The following PCDHA13 variants were observed in gnomAD, a reference collection of about 807,000 sequenced individuals.
PCDHA13 encodes protocadherin alpha-13.
A neutral mutation model predicts 64.8 loss-of-function variants in PCDHA13; 54 were observed. The observed-to-expected ratio is 0.83, with a 90% confidence interval of 0.67 to 1.04. The LOEUF is 1.04. Ranked by LOEUF, PCDHA13 falls within the 50% of genes least tolerant of loss-of-function variation. PCDHA13 has a pLI of 0.00. For missense variants in PCDHA13, 1,248 were observed against 1,254.3 expected (o/e 0.99, Z 0.08); for synonymous variants, 587 against 564.4 (o/e 1.04, Z -0.57).
At chr5:140,969,847 A>G (rs2096364168) in intron 1 of PCDHA13, among the ~76,000 whole-genome samples, 1 of 152,150 alleles carries the variant, frequency 6.6e-6, no homozygotes. Flanking sequence ...TATCTAGTTA[A>G]TATTTCTGGT....
chr5:140,902,572 G>A (rs1249141591), intron 1 of PCDHA13, among the ~76,000 whole-genome samples: 1 of 151,954 alleles, frequency 6.6e-6, no homozygotes, highest in Non-Finnish European at 1.5e-5. Flanking sequence ...GGGTTTTTAA[G>A]ATTTCAATAG....
intron 1 of PCDHA13, among the ~76,000 whole-genome samples, chr5:140,892,628 T>C (rs1554185308): frequency 6.6e-6 from 1 of 152,166 alleles, no homozygotes; most frequent in African/African-American, 2.4e-5. Flanking sequence ...TGGTACATAA[T>C]AATTGTACAT....
chr5:141,011,750 A>T lies in PCDHA13; in HGVS notation c.*1813A>T, dbSNP rs1554263628. The T allele has an allele frequency of 6.5e-6, 1 of 153,696 alleles. No individual in the cohort carries two copies. Among genetic ancestry groups the T allele is most frequent in the Non-Finnish European group, 1.5e-5 (1 of 68,036 alleles). 9.5% of individuals were successfully genotyped at this position (153,696 alleles called of 1,614,324 possible). A position where few individuals can be genotyped will look rare whatever the true frequency, so the allele number is the denominator to read the frequency against. On this transcript the variant is annotated 3_prime_UTR_variant, in exon 4 of 4. Transcript: ENST00000289272. ...TGCAAGCACAAATTTTACCAATCTG[A>T]CCTCTTTGAAGTTGCAGAATGCTTT... is the stretch of plus-strand genomic sequence containing the variant.
intron 1 of PCDHA13, among the ~76,000 whole-genome samples, chr5:140,916,329 T>C (rs1554197398): frequency 6.6e-6 from 1 of 152,178 alleles, no homozygotes; most frequent in African/African-American, 2.4e-5. Context: ...TCCCCTTTAC[T>C]TTTTCCTCTG....
rs536640692 is a variant in PCDHA13 at position 140,927,687 on chromosome 5, T to TG, written c.2394+43029dup. ...CCTTGGATCCAGATGAAGGGTCCAATGGGGAAGTCCAGTACTCCCTAAGCA... is the reference window on the plus strand; with the variant it reads ...CCTTGGATCCAGATGAAGGGTCCAATGGGGGAAGTCCAGTACTCCCTAAGCA... On this transcript the variant is annotated intron_variant, in intron 1 of 3. Coordinates refer to ENST00000289272, the MANE Select transcript of PCDHA13 (RefSeq NM_018904.3). The TG allele has an allele frequency of 3.2e-4, 518 of 1,614,158 alleles. 3 individuals carry two copies. In the Middle Eastern group the frequency reaches 0.011, roughly 35 times the overall value.
At chr5:140,933,773 A>G (rs2089413998) in intron 1 of PCDHA13, among the ~76,000 whole-genome samples, 1 of 152,040 alleles carries the variant, frequency 6.6e-6, no homozygotes, top group South Asian at 2.1e-4. Context: ...CTGTACCTAC[A>G]GTTTTCTTTG....
chr5:141,009,178 G>A (rs1233603015), intron 3 of PCDHA13, among the ~76,000 whole-genome samples: 1 of 152,212 alleles, frequency 6.6e-6, no homozygotes, highest in African/African-American at 2.4e-5. Context: ...GCCTTGGCTG[G>A]GTGTGGTAGC....
chr5:140,971,487 C>G (rs1285006281), intron 1 of PCDHA13, among the ~76,000 whole-genome samples: 1 of 152,110 alleles, frequency 6.6e-6, no homozygotes, highest in African/African-American at 2.4e-5. Flanking sequence ...CACATTGTTA[C>G]AGTGTGGCAA....
Position 141,010,878 on chromosome 5 carries a change from A to C in PCDHA13, c.*941A>C, listed in dbSNP as rs2098418656. 1.3e-5 allele frequency: 2 copies of C among 153,770 alleles called. No homozygotes were observed. Among genetic ancestry groups the C allele is most frequent in the South Asian group, 4.1e-4 (2 of 4,830 alleles). The allele number at this position is 153,770 out of a possible 1,614,324, so 9.5% of individuals were successfully genotyped here. ...GAAAGTCTATAGCTATAAATCTTTA[A>C]AGAGAAATATGAATACAATTCCCCT... On this transcript the variant is annotated 3_prime_UTR_variant, in exon 4 of 4. Transcript: ENST00000289272.
chr5:140,984,325 G>C (rs2097097043), intron 3 of PCDHA13, among the ~76,000 whole-genome samples: 1 of 152,168 alleles, frequency 6.6e-6, no homozygotes, highest in Admixed American at 6.5e-5. Flanking sequence ...CTAGGCAAAT[G>C]TGGAATAGGA....
rs2098419434 is a variant in PCDHA13, at chr5:141,011,100, CT to C, written c.*1164del. ...AAATGATCTCTCTTTCTCTCTCTCT[CT>C]CTCTTTTCTAAGAAACAATTATGTG... On this transcript the variant is annotated 3_prime_UTR_variant, in exon 4 of 4. Coordinates refer to ENST00000289272, the MANE Select transcript of PCDHA13 (RefSeq NM_018904.3). The C allele has an allele frequency of 1.3e-5, 2 of 153,772 alleles. No individual in the cohort carries two copies. Among genetic ancestry groups the C allele is most frequent in the Admixed American group, 6.5e-5 (1 of 15,290 alleles). The allele number at this position is 153,772 out of a possible 1,614,324, so 9.5% of individuals were successfully genotyped here.
intron 1 of PCDHA13, among the ~76,000 whole-genome samples, chr5:140,907,524 C>T (rs562373233): frequency 2.6e-5 from 4 of 152,314 alleles, no homozygotes; most frequent in Non-Finnish European, 4.4e-5. Flanking sequence ...GAGGACAAAT[C>T]GCTGCCCTTT....
chr5:140,886,828 A>G (rs74967108), intron 1 of PCDHA13, among the ~76,000 whole-genome samples: 4 of 133,052 alleles, frequency 3.0e-5, no homozygotes, highest in Non-Finnish European at 6.5e-5. Flanking sequence ...CTTCGTCTTG[A>G]AAAAAAAAAA....
At chr5:140,893,616 G>C (rs1431019657) in intron 1 of PCDHA13, among the ~76,000 whole-genome samples, 3 of 152,188 alleles carry the variant, frequency 2.0e-5, no homozygotes, top group African/African-American at 7.2e-5. Context: ...CATTTCTGAA[G>C]TATAGCTCTG....
chr5:140,921,268 C>G (rs2080134153), intron 1 of PCDHA13, among the ~76,000 whole-genome samples: 1 of 151,980 alleles, frequency 6.6e-6, no homozygotes, highest in Non-Finnish European at 1.5e-5. Context: ...GACTTTTATA[C>G]TTACTTGAAA....
At chr5:140,944,219 A>G (rs191111426) in intron 1 of PCDHA13, among the ~76,000 whole-genome samples, 202 of 152,176 alleles carry the variant, frequency 1.3e-3, no homozygotes, top group Non-Finnish European at 2.3e-3. Context: ...AGAGGGTTTT[A>G]CTCTGTCGCT....
chr5:140,966,903 A>G (rs1554228870), intron 1 of PCDHA13: 2 of 1,599,926 alleles, frequency 1.3e-6, no homozygotes, highest in South Asian at 2.2e-5. Context: ...CAGCTGCGAT[A>G]CTCTGTGCCA....
At chr5:140,897,518 T>A (rs2066160092) in intron 1 of PCDHA13, among the ~76,000 whole-genome samples, 2 of 152,260 alleles carry the variant, frequency 1.3e-5, no homozygotes, top group Admixed American at 1.3e-4. Context: ...GGACATGAAC[T>A]CATCATTTTT....
chr5:141,000,447 G>C (rs2097938373), intron 3 of PCDHA13, among the ~76,000 whole-genome samples: 1 of 41,758 alleles, frequency 2.4e-5, no homozygotes, highest in Admixed American at 2.7e-4. Flanking sequence ...TTTTTTTTGA[G>C]ACAGAGTTTT....
Sources: allele counts gnomAD v4.1 joint callset (sites outside exome capture counted in the v4.1 genomes callset), GRCh38; gene constraint gnomAD v4.1.1; transcripts MANE v1.5; gene names NCBI Gene and HGNC (gene_info 2026-07-23, HGNC 2026-07-21).